CES5A: variants seen among roughly 807,000 people sequenced by gnomAD.
CES5A encodes the protein carboxylesterase 5A, also known as carboxylesterase 5.
In CES5A, 67 loss-of-function variants were observed where a neutral mutation model predicts 62.9. That is an observed-to-expected ratio of 1.07 (90% CI 0.88 to 1.31). The LOEUF is 1.31. CES5A is among the 50% of genes most tolerant of loss of function. The probability of loss-of-function intolerance (pLI) is 0.00; values close to 1 mark genes in which losing one functional copy is unlikely to be tolerated. For missense variants in CES5A, 748 were observed against 708.5 expected (o/e 1.06, Z -0.63); for synonymous variants, 296 against 280.8 (o/e 1.05, Z -0.54).
intron 1 of CES5A, among the ~76,000 whole-genome samples, chr16:55,916,319 T>C (rs2034148699): frequency 6.6e-6 from 1 of 152,206 alleles, no homozygotes; most frequent in Non-Finnish European, 1.5e-5. Flanking sequence ...CTAGCAGAAT[T>C]CAGCCTCCTC....
intron 5 of CES5A, 66 bp downstream of exon 5, chr16:55,865,897 G>A (rs1447246896): frequency 1.9e-6 from 3 of 1,541,922 alleles, no homozygotes; most frequent in Non-Finnish European, 2.7e-6. Context: ...AAATGTTAGT[G>A]ACTCATCATC....
intron 1 of CES5A, among the ~76,000 whole-genome samples, chr16:55,894,977 T>C (rs1488255642): frequency 6.6e-6 from 1 of 152,224 alleles, no homozygotes; most frequent in Non-Finnish European, 1.5e-5. Flanking sequence ...TTGAAAGTTC[T>C]CACATATTCC....
intron 5 of CES5A, among the ~76,000 whole-genome samples, chr16:55,865,500 A>G (rs1237071808): frequency 1.3e-5 from 2 of 152,338 alleles, no homozygotes; most frequent in African/African-American, 4.8e-5. Context: ...ATGCAAGACA[A>G]TCCATGTTGG....
At chr16:55,892,986 C>T (rs1419661530) in intron 1 of CES5A, among the ~76,000 whole-genome samples, 2 of 152,156 alleles carry the variant, frequency 1.3e-5, no homozygotes, top group Non-Finnish European at 2.9e-5. Flanking sequence ...CTTCTAAAGT[C>T]AAATGTGGTT....
chr16:55,871,508 C>T lies in CES5A; in HGVS notation c.417+117G>A, dbSNP rs985922062. 17 of 1,152,864 alleles carry T rather than the reference C, an allele frequency of 1.5e-5. No homozygotes were observed. In the Admixed American group the frequency reaches 3.7e-4, roughly 25 times the overall value. 71.4% of individuals were successfully genotyped at this position (1,152,864 alleles called of 1,614,324 possible). On this transcript the variant is annotated intron_variant, in intron 3 of 12. Coordinates refer to ENST00000290567, the MANE Select transcript of CES5A (RefSeq NM_001143685.2). ...TTTTTAAAAATTGTTGATGTGATTA[C>T]ATTTCCCTTTTACCCAACAGGGGGT...
At position 55,875,215 on chromosome 16, in the gene CES5A, C is replaced by T. The variant is rs769392526; in HGVS notation, c.7G>A (p.Gly3Arg). 1.4e-5 allele frequency: 23 copies of T among 1,613,428 alleles called. No homozygotes were observed. Among genetic ancestry groups the T allele is most frequent in the Middle Eastern group, 3.3e-4 (2 of 6,082 alleles). The change falls in exon 1 of 13, where the codon GGG (glycine) becomes AGG (arginine). Residue 3 changes from glycine to arginine, a missense_variant. Coordinates refer to ENST00000290567, the MANE Select transcript of CES5A (RefSeq NM_001143685.2). MSGNWVHPGQILI... is the reference protein window; with the variant it reads MSRNWVHPGQILI... ...ATCTGGCCTGGGTGCACCCAATTCC[C>T]ACTCATTTGGCTGCCTGCCTGCACT...
chr16:55,874,226 C>G (rs2033655121), intron 1 of CES5A, among the ~76,000 whole-genome samples, 189 bp from the exon 2 acceptor site: 2 of 152,244 alleles, frequency 1.3e-5, no homozygotes, highest in African/African-American at 4.8e-5. Context: ...AAGTCACCCC[C>G]ATGAAACCAC....
intron 10 of CES5A, among the ~76,000 whole-genome samples, chr16:55,850,581 A>G (rs1308979292): frequency 6.6e-6 from 1 of 152,232 alleles, no homozygotes; most frequent in African/African-American, 2.4e-5. Flanking sequence ...TGGCAAAATG[A>G]TAATCCATTG....
chr16:55,862,907 T>C (rs142462575), intron 6 of CES5A, among the ~76,000 whole-genome samples: 2 of 152,310 alleles, frequency 1.3e-5, no homozygotes, highest in East Asian at 1.9e-4. Flanking sequence ...TATCGTGGGA[T>C]AGATGCCCCT....
chr16:55,945,394 C>T (rs1258564803), intron 2 of CES5A, among the ~76,000 whole-genome samples: 1 of 152,234 alleles, frequency 6.6e-6, no homozygotes, highest in African/African-American at 2.4e-5. Flanking sequence ...AGGAGCGCTG[C>T]CTTCAGCTGT....
chr16:55,875,143 T>A lies in CES5A; in HGVS notation c.73+6A>T. 1.2e-6 allele frequency: 2 copies of A among 1,613,910 alleles called. No homozygotes were observed. The highest frequency in any genetic ancestry group is 1.7e-6 in the Non-Finnish European group (2 of 1,179,776). ...GAGAGCCCTCCTTTCCCATTGGATA[T>A]CTCACCTTTGGTGGGGGCTGCAAGG... On this transcript the variant is annotated splice_donor_region_variant and intron_variant, in intron 1 of 12. Transcript: ENST00000290567.
chr16:55,879,403 C>T (rs2033738164), upstream of CES5A, among the ~76,000 whole-genome samples: 2 of 151,818 alleles, frequency 1.3e-5, no homozygotes, highest in Non-Finnish European at 2.9e-5. Context: ...CACCAATATA[C>T]TTCATCACTG....
At chr16:55,891,224 G>A (rs1345598662) in intron 1 of CES5A, among the ~76,000 whole-genome samples, 1 of 152,220 alleles carries the variant, frequency 6.6e-6, no homozygotes, top group Non-Finnish European at 1.5e-5. Flanking sequence ...AGCTGCAGGA[G>A]CCACATGTCC....
chr16:55,887,400 A>G (rs1329173335), intron 1 of CES5A, among the ~76,000 whole-genome samples: 1 of 151,432 alleles, frequency 6.6e-6, no homozygotes, highest in African/African-American at 2.4e-5. Context: ...AAAAAAAAAA[A>G]GTTACTACAC....
At chr16:55,851,915 C>T (rs2033141448) in intron 10 of CES5A, among the ~76,000 whole-genome samples, 2 of 152,152 alleles carry the variant, frequency 1.3e-5, no homozygotes, top group Non-Finnish European at 2.9e-5. Flanking sequence ...AGACCTTATG[C>T]TACGTGAAAT....
upstream of CES5A, among the ~76,000 whole-genome samples, chr16:55,877,579 T>C (rs148408359): frequency 4.0e-3 from 603 of 152,254 alleles, 2 homozygotes; most frequent in Middle Eastern, 6.8e-3. Context: ...AAATGTCTTC[T>C]ATTTGCTGTT....
rs574369675 is a variant in CES5A at position 55,953,648 on chromosome 16, T to C, written c.42+2196A>G. ...GATGTGAAGGGAAACCTGGTTGTGA[T>C]GTTACTAGGTGGAGTAGAGCTTAAA... On this transcript the variant is annotated intron_variant, in intron 1 of 13. Transcript: ENST00000521992. Among the ~76,000 whole-genome samples, 13 of 152,304 alleles carry C rather than the reference T, an allele frequency of 8.5e-5. No homozygotes were observed. In the South Asian group the frequency reaches 2.7e-3, roughly 32 times the overall value.
At chr16:55,892,113 A>T (rs1187533957) in intron 1 of CES5A, among the ~76,000 whole-genome samples, 1 of 152,188 alleles carries the variant, frequency 6.6e-6, no homozygotes, top group African/African-American at 2.4e-5. Context: ...CCACTATGAG[A>T]CTTCAAAAGA....
At chr16:55,885,868 G>A (rs1020821685) in intron 1 of CES5A, among the ~76,000 whole-genome samples, 3 of 152,198 alleles carry the variant, frequency 2.0e-5, no homozygotes, top group Non-Finnish European at 2.9e-5. Context: ...TATGAGCTGA[G>A]TATTTTCAGA....
Sources: gnomAD v4.1 joint callset for allele counts (sites outside exome capture counted in the v4.1 genomes callset) on GRCh38, gnomAD v4.1.1 for gene constraint, MANE v1.5 for transcripts, NCBI Gene and HGNC (gene_info 2026-07-23, HGNC 2026-07-21) for gene names.